AREL1: variants seen among roughly 807,000 people sequenced by gnomAD.
AREL1 encodes apoptosis-resistant E3 ubiquitin protein ligase 1.
Under a neutral mutation model 99.0 loss-of-function variants are expected in AREL1, and 62 were observed. The observed-to-expected ratio is 0.63, with a 90% CI of 0.51 to 0.77. The LOEUF (loss-of-function observed/expected upper bound fraction) is 0.77. AREL1 is among the 30% of genes least tolerant of loss of function. The pLI is 0.00. For missense variants in AREL1, 879 were observed against 1,027.6 expected, an observed-to-expected ratio of 0.86 and a Z score of 1.98; for synonymous variants, 380 against 376.5, an observed-to-expected ratio of 1.01 and a Z score of -0.11.
intron 18 of AREL1, among the ~76,000 whole-genome samples, chr14:74,664,396 C>G (rs186076243): frequency 6.6e-6 from 1 of 151,844 alleles, no homozygotes; most frequent in East Asian, 1.9e-4. Context: ...TTTTTTTTCC[C>G]AGAAAACATA....
intron 5 of AREL1, among the ~76,000 whole-genome samples, chr14:74,680,039 G>GGT (rs1328483207): frequency 6.6e-6 from 1 of 151,802 alleles, no homozygotes; most frequent in East Asian, 1.9e-4. Flanking sequence ...AGCCAGGCGT[G>GGT]GTGGTGCCTG....
chr14:74,664,876 T>A lies in AREL1; in HGVS notation c.2153A>T (p.His718Leu). The change falls in exon 18 of 20, where the codon CAT (histidine) becomes CTT (leucine). Residue 718 changes from histidine (H) to leucine (L), a missense_variant. Coordinates refer to ENST00000356357, the MANE Select transcript of AREL1 (RefSeq NM_001039479.2). ...CCATGAGCCACCAACAACTACTGCA[T>A]GGGCTTTGAAGTCAGACACACTGAT... ...GDISVSDFKA[H>L]AVVVGGSWHF... 1 of 1,613,960 alleles carries A rather than the reference T, an allele frequency of 6.2e-7. No homozygotes were observed. Among genetic ancestry groups the A allele is most frequent in the Non-Finnish European group, 8.5e-7 (1 of 1,179,882 alleles).
chr14:74,665,793 A>T (rs762608064), intron 17 of AREL1, among the ~76,000 whole-genome samples: 1 of 152,234 alleles, frequency 6.6e-6, no homozygotes, highest in Admixed American at 6.5e-5. Context: ...CAATAGCTAT[A>T]AAGAATAATA....
At chr14:74,692,806 C>T (rs932819671) in intron 1 of AREL1, among the ~76,000 whole-genome samples, 3 of 152,136 alleles carry the variant, frequency 2.0e-5, no homozygotes, top group South Asian at 2.1e-4. Flanking sequence ...TGGGCTCAAG[C>T]GATCCTCCCG....
intron 1 of AREL1, among the ~76,000 whole-genome samples, chr14:74,703,001 A>T (rs187392909): frequency 1.3e-4 from 20 of 152,102 alleles, no homozygotes; most frequent in African/African-American, 3.6e-4. Context: ...ACTTTCCCAC[A>T]TTTTCCTGTC....
intron 15 of AREL1, among the ~76,000 whole-genome samples, 169 bp downstream of exon 15, chr14:74,669,480 T>C (rs2089282023): frequency 6.6e-6 from 1 of 152,218 alleles, no homozygotes; most frequent in Non-Finnish European, 1.5e-5. Flanking sequence ...TATGTAAGTA[T>C]ACATTAACTA....
chr14:74,675,511 A>G (rs146016002), intron 8 of AREL1, among the ~76,000 whole-genome samples, 188 bp downstream of exon 8: 1 of 152,360 alleles, frequency 6.6e-6, no homozygotes, highest in East Asian at 1.9e-4. Context: ...GTTTTGACAC[A>G]GCACAAGAAG....
chr14:74,704,806 G>A (rs185898529), intron 1 of AREL1, among the ~76,000 whole-genome samples: 1 of 151,904 alleles, frequency 6.6e-6, no homozygotes. Context: ...TGGTTTTTGT[G>A]TTCTATTTTT....
At chr14:74,697,194 G>A (rs2089993675) in intron 1 of AREL1, among the ~76,000 whole-genome samples, 1 of 151,888 alleles carries the variant, frequency 6.6e-6, no homozygotes, top group Non-Finnish European at 1.5e-5. Context: ...AAAACATGAT[G>A]TAAAAGTCCA....
chr14:74,698,858 TAAA>T (rs547639633), intron 1 of AREL1: 324 of 110,108 alleles, frequency 2.9e-3, no homozygotes, highest in South Asian at 0.014. Context: ...ATCCCATCTC[TAAA>T]AAAAAAAAAA....
chr14:74,706,557 A>G (rs554493297), intron 1 of AREL1, among the ~76,000 whole-genome samples: 72 of 152,372 alleles, frequency 4.7e-4, no homozygotes, highest in African/African-American at 1.7e-3. Context: ...GATTTGAAGG[A>G]GAAACTCAAC....
intron 1 of AREL1, among the ~76,000 whole-genome samples, chr14:74,699,464 C>A (rs931190514): frequency 9.9e-5 from 15 of 151,906 alleles, no homozygotes; most frequent in Non-Finnish European, 1.5e-5. Context: ...GGCGTCCCAT[C>A]CAGCGCTGGT....
chr14:74,695,322 C>T (rs928606398), intron 1 of AREL1, among the ~76,000 whole-genome samples: 1 of 151,964 alleles, frequency 6.6e-6, no homozygotes, highest in African/African-American at 2.4e-5. Context: ...ACAGGTGATT[C>T]GCCCGCCTCA....
At chr14:74,700,252 G>A (rs1411160923) in intron 1 of AREL1, among the ~76,000 whole-genome samples, 1 of 152,108 alleles carries the variant, frequency 6.6e-6, no homozygotes, top group Non-Finnish European at 1.5e-5. Context: ...AACCATATGA[G>A]GAAAGCATAC....
chr14:74,676,351 CATATA>C, intron 6 of AREL1, 30 bp from the exon 7 acceptor site: 1 of 1,603,800 alleles, frequency 6.2e-7, no homozygotes, highest in Non-Finnish European at 8.5e-7. Flanking sequence ...CATCACTTAA[CATATA>C]GTATTTTCCC....
At chr14:74,693,158 T>TA (rs2089918046) in intron 1 of AREL1, among the ~76,000 whole-genome samples, 1 of 152,184 alleles carries the variant, frequency 6.6e-6, no homozygotes, top group African/African-American at 2.4e-5. Flanking sequence ...GACAGCCTTA[T>TA]ATGCCATGGT....
At chr14:74,697,137 G>A (rs1256517190) in intron 1 of AREL1, among the ~76,000 whole-genome samples, 1 of 151,298 alleles carries the variant, frequency 6.6e-6, no homozygotes, top group Non-Finnish European at 1.5e-5. Flanking sequence ...GTAACAGAGA[G>A]AGAGATCCTG....
At position 74,663,350 on chromosome 14, in the gene AREL1, T is replaced by G; in HGVS notation, c.*370A>C. On this transcript the variant is annotated 3_prime_UTR_variant, in exon 20 of 20. Transcript: ENST00000356357. ...CTCCAAGGAGTATCAGCAGAGGGAG[T>G]TTTGGAGCACAGTGTGGATTTAAGG... 3 of 278,780 alleles carry G rather than the reference T, an allele frequency of 1.1e-5. No individual in the cohort carries two copies. Among genetic ancestry groups the G allele is most frequent in the Non-Finnish European group, 2.2e-5 (3 of 139,208 alleles). The allele number at this position is 278,780 out of a possible 1,614,324, so 17.3% of individuals were successfully genotyped here.
In AREL1 at chr14:74,672,963, G is replaced by C; in HGVS notation, c.1301-11C>G. On this transcript the variant is annotated splice_polypyrimidine_tract_variant and intron_variant, in intron 10 of 19. Transcript: ENST00000356357. ...AGGTCTCAGAGCCTCCTGGGGAACA[G>C]CAAGATCCATCATTACAGCCTCATT... 2.5e-6 allele frequency: 4 copies of C among 1,614,164 alleles called. No homozygotes were observed. The highest frequency in any genetic ancestry group is 3.4e-6 in the Non-Finnish European group (4 of 1,180,020).
Sources: allele counts gnomAD v4.1 joint callset (sites outside exome capture counted in the v4.1 genomes callset), GRCh38; gene constraint gnomAD v4.1.1; transcripts MANE v1.5; gene names NCBI Gene and HGNC (gene_info 2026-07-23, HGNC 2026-07-21).